Variants in DNAH5 observed in about 807,000 individuals in gnomAD.
The protein encoded by DNAH5 is axonemal beta dynein heavy chain 5.
Under a neutral mutation model 518.2 loss-of-function variants are expected in DNAH5, and 372 were observed. The ratio of observed to expected loss-of-function variants is 0.72; its 90% CI spans 0.66 to 0.78. DNAH5 has a LOEUF of 0.78. DNAH5 is among the 30% of genes least tolerant of loss of function. DNAH5 has a pLI of 0.00. For missense variants in DNAH5, 5,523 were observed against 5,687.0 expected, an observed-to-expected ratio of 0.97 and a Z score of 0.93; for synonymous variants, 2,039 against 2,025.9, an observed-to-expected ratio of 1.01 and a Z score of -0.17.
chr5:13,697,117 C>A (rs1741490032), intron 78 of DNAH5, among the ~76,000 whole-genome samples: 1 of 152,100 alleles, frequency 6.6e-6, no homozygotes, highest in South Asian at 2.1e-4. Flanking sequence ...GTTTTTATTT[C>A]ATTTTATATG....
chr5:13,900,506 T>C (rs1187565773), intron 14 of DNAH5, 94 bp from the exon 15 acceptor site: 3 of 1,069,784 alleles, frequency 2.8e-6, no homozygotes, highest in Non-Finnish European at 2.8e-6. Flanking sequence ...TCATTAAATG[T>C]TCTTCCATGG....
intron 30 of DNAH5, among the ~76,000 whole-genome samples, chr5:13,857,194 C>T (rs1024515369): frequency 1.3e-5 from 2 of 152,174 alleles, no homozygotes; most frequent in Non-Finnish European, 2.9e-5. Context: ...GTGCAAAAAT[C>T]ACAAGCATTC....
chr5:13,727,721 G>T, intron 69 of DNAH5, 65 bp from the exon 70 acceptor site: 2 of 1,580,278 alleles, frequency 1.3e-6, no homozygotes, highest in South Asian at 2.2e-5. Context: ...ACAGGTCATA[G>T]ATATGTTTCA....
intron 59 of DNAH5, 61 bp from the exon 60 acceptor site, chr5:13,762,962 T>C: frequency 1.4e-6 from 2 of 1,409,056 alleles, no homozygotes; most frequent in South Asian, 2.3e-5. Flanking sequence ...CATACTTGCA[T>C]CATGCTCTCA....
intron 31 of DNAH5, among the ~76,000 whole-genome samples, chr5:13,846,373 A>G (rs1484811650): frequency 6.6e-6 from 1 of 152,098 alleles, no homozygotes; most frequent in Non-Finnish European, 1.5e-5. Flanking sequence ...ATAAGGAAAC[A>G]TTTCTGTTTC....
chr5:13,811,976 C>G (rs1055602305), intron 43 of DNAH5, among the ~76,000 whole-genome samples, 153 bp from the exon 44 acceptor site: 3 of 152,146 alleles, frequency 2.0e-5, no homozygotes, highest in Non-Finnish European at 4.4e-5. Context: ...ACAAACTCTT[C>G]CACGTATTAA....
chr5:13,745,174 T>A (rs568111785), intron 65 of DNAH5, among the ~76,000 whole-genome samples: 17 of 152,092 alleles, frequency 1.1e-4, no homozygotes, highest in Non-Finnish European at 2.1e-4. Flanking sequence ...TTTTTTTAAG[T>A]TTCCATTTTA....
chr5:13,866,396 T>C (rs909331892), intron 25 of DNAH5, 114 bp from the exon 26 acceptor site: 1 of 869,106 alleles, frequency 1.2e-6, no homozygotes, highest in African/African-American at 1.7e-5. Flanking sequence ...GGAAACTTCA[T>C]TTTTATTTGT....
chr5:13,935,036 A>G (rs903499194), intron 1 of DNAH5, among the ~76,000 whole-genome samples: 2 of 152,236 alleles, frequency 1.3e-5, no homozygotes, highest in African/African-American at 4.8e-5. Context: ...TAGCAGCTTG[A>G]GAACTCAGAG....
intron 1 of DNAH5, among the ~76,000 whole-genome samples, chr5:14,002,643 A>G: frequency 7.9e-5 from 1 of 12,686 alleles, no homozygotes; most frequent in East Asian, 4.5e-3. Flanking sequence ...ACAGATACAT[A>G]CACACACAGT....
intron 65 of DNAH5, 136 bp downstream of exon 65, chr5:13,750,942 T>G: frequency 1.7e-5 from 16 of 966,272 alleles, no homozygotes; most frequent in Non-Finnish European, 2.1e-5. Context: ...AGAAAACACT[T>G]GGAGATTAAT....
intron 1 of DNAH5, among the ~76,000 whole-genome samples, chr5:14,002,696 G>C (rs576424700): frequency 6.6e-6 from 1 of 152,018 alleles, no homozygotes; most frequent in African/African-American, 2.4e-5. Context: ...CAGATCAAAA[G>C]TTCCCACTAA....
At chr5:13,811,108 T>A (rs1019902866) in intron 44 of DNAH5, among the ~76,000 whole-genome samples, 11 of 151,708 alleles carry the variant, frequency 7.3e-5, no homozygotes, top group African/African-American at 1.2e-4. Flanking sequence ...GGTGAGGAAA[T>A]GGGGATGATG....
At chr5:13,692,280 G>A in intron 78 of DNAH5, 145 bp from the exon 79 acceptor site, 2 of 898,256 alleles carry the variant, frequency 2.2e-6, no homozygotes, top group Non-Finnish European at 1.8e-6. Flanking sequence ...CTGAGGTCAG[G>A]CAATTCCTAG....
At chr5:13,810,747 C>G (rs1760555672) in intron 44 of DNAH5, among the ~76,000 whole-genome samples, 1 of 146,896 alleles carries the variant, frequency 6.8e-6, no homozygotes, top group South Asian at 2.2e-4. Flanking sequence ...GTGCGAGACT[C>G]CATGTCAAAA....
chr5:13,845,999 ATTT>A (rs567783697), intron 31 of DNAH5, among the ~76,000 whole-genome samples: 5 of 114,114 alleles, frequency 4.4e-5, no homozygotes, highest in Admixed American at 1.7e-4. Context: ...CCCAGCTAAT[ATTT>A]TTTTTTTTTT....
At chr5:13,734,047 C>T (rs187360042) in intron 68 of DNAH5, among the ~76,000 whole-genome samples, 3 of 152,154 alleles carry the variant, frequency 2.0e-5, no homozygotes, top group Non-Finnish European at 2.9e-5. Flanking sequence ...TCAATTCTGA[C>T]GGTCCTGGGA....
In DNAH5 at chr5:13,727,620, C is replaced by T; in HGVS notation, c.11920G>A (p.Asp3974Asn). The change falls in exon 70 of 79, where the codon GAT (aspartate) becomes AAT (asparagine). Residue 3974 changes from aspartate (D) to asparagine (N), a missense_variant. Asp to Asn is a conservative substitution (Grantham distance 23). Coordinates refer to ENST00000265104, the MANE Select transcript of DNAH5 (RefSeq NM_001369.3). ...GGTTCCTCCTCCGGGTTTTCCTTATCAAACCAAATTTTCCACATTTTCTCA... is the reference window on the plus strand; with the variant it reads ...GGTTCCTCCTCCGGGTTTTCCTTATTAAACCAAATTTTCCACATTTTCTCA... The part of the protein sequence containing the change: ...RNEKMWKIWF[D>N]KENPEEEPLP... The T allele has an allele frequency of 6.2e-7, 1 of 1,613,794 alleles. No individual in the cohort carries two copies. Among genetic ancestry groups the T allele is most frequent in the Non-Finnish European group, 8.5e-7 (1 of 1,179,808 alleles).
Position 13,753,497 on chromosome 5 carries a change from T to C in DNAH5, c.10608A>G (p.Gln3536=). The C allele has an allele frequency of 6.2e-7, 1 of 1,614,010 alleles. No individual in the cohort carries two copies. The highest frequency in any genetic ancestry group is 2.2e-5 in the East Asian group (1 of 44,868). ...CATTTAACAGAAGATCACGAAACTC[T>C]TGGTTAAATGGACCAGAATAAGATA... ...AFLSYSGPFN[Q]EFRDLLLNDW... Residue 3536 remains glutamine (Q), a synonymous_variant, in exon 63 of 79, where the codon CAA becomes CAG. Transcript: ENST00000265104.
Sources: allele counts gnomAD v4.1 joint callset (sites outside exome capture counted in the v4.1 genomes callset), GRCh38; gene constraint gnomAD v4.1.1; transcripts MANE v1.5; gene names NCBI Gene and HGNC (gene_info 2026-07-23, HGNC 2026-07-21).